The following IVD variants were observed in gnomAD, a reference collection of about 807,000 sequenced individuals.
IVD encodes isovaleryl-CoA dehydrogenase, mitochondrial.
In IVD, 31 loss-of-function variants were observed where a neutral mutation model predicts 51.3. The observed-to-expected ratio is 0.60, with a 90% CI of 0.45 to 0.81. IVD has a LOEUF of 0.81. Among genes scored for constraint, IVD ranks in the 40% least tolerant of loss-of-function variants. IVD has a pLI of 0.00. For missense variants in IVD, 475 were observed against 552.0 expected (o/e 0.86, Z 1.40); for synonymous variants, 205 against 219.4 (o/e 0.93, Z 0.58).
intron 11 of IVD, among the ~76,000 whole-genome samples, chr15:40,417,185 CAA>C (rs1378109257): frequency 1.2e-4 from 15 of 125,506 alleles, no homozygotes; most frequent in Admixed American, 1.2e-3. Context: ...GCCTGAGTGA[CAA>C]GAGTGAAACT....
rs1230414301 is a variant in IVD, at chr15:40,405,897, T to C, written c.70T>C (p.Phe24Leu). ...GAGGCTGCGGCCGCCGCTTGCCGGCTTCGTTTCCCAGCGGGCCCACTCGCT... is the reference window on the plus strand; with the variant it reads ...GAGGCTGCGGCCGCCGCTTGCCGGCCTCGTTTCCCAGCGGGCCCACTCGCT... The part of the protein sequence containing the change: ...SWRLRPPLAG[F>L]VSQRAHSLLP... Residue 24 changes from phenylalanine (F) to leucine (L), a missense_variant, in exon 1 of 12, where the codon TTC becomes CTC. By Grantham distance (22) the Phe-to-Leu change is conservative (BLOSUM62 0). Transcript: ENST00000487418. 6.2e-7 allele frequency: 1 copy of C among 1,613,272 alleles called. No individual in the cohort carries two copies. Among genetic ancestry groups the C allele is most frequent in the African/African-American group, 1.3e-5 (1 of 74,932 alleles).
chr15:40,430,360 A>T (rs1226058458), intron 7 of IVD, among the ~76,000 whole-genome samples: 6 of 152,168 alleles, frequency 3.9e-5, no homozygotes, highest in Non-Finnish European at 8.8e-5. Context: ...GCTTGCTAGG[A>T]GGAGAGCATT....
In IVD at chr15:40,406,925, G is replaced by A. The variant is rs1489813682; in HGVS notation, c.145-711G>A. Among the ~76,000 whole-genome samples, 8 of 150,220 alleles carry A rather than the reference G, an allele frequency of 5.3e-5. No homozygotes were observed. The South Asian group carries it at 6.3e-4, about 12-fold the overall frequency. On this transcript the variant is annotated intron_variant, in intron 1 of 11. Transcript: ENST00000487418. Reference sequence around the variant, plus strand: ...GTTGCCCAGGCTGGAGTGTAATGGCGCGATCTCCGCTCACCACAACGTCCG... The same window carrying A: ...GTTGCCCAGGCTGGAGTGTAATGGCACGATCTCCGCTCACCACAACGTCCG...
downstream of IVD, chr15:40,435,894 T>G (rs1003108813): frequency 1.9e-5 from 3 of 160,722 alleles, no homozygotes; most frequent in Non-Finnish European, 2.6e-5. Flanking sequence ...CCTGGCAGCC[T>G]TCCCTCGTCC....
downstream of IVD, among the ~76,000 whole-genome samples, chr15:40,422,294 T>A (rs1163735187): frequency 2.6e-5 from 4 of 152,156 alleles, no homozygotes; most frequent in Admixed American, 2.6e-4. Context: ...AAAAGGCTTT[T>A]TTTTTTTGAG....
At chr15:40,410,864 C>T in intron 4 of IVD, 67 bp downstream of exon 4, 1 of 1,567,972 alleles carries the variant, frequency 6.4e-7, no homozygotes, top group Non-Finnish European at 8.7e-7. Flanking sequence ...GATACCCTCT[C>T]CCCTTGGGGG....
At chr15:40,410,527 A>G in intron 3 of IVD, 101 bp from the exon 4 acceptor site, 1 of 1,352,388 alleles carries the variant, frequency 7.4e-7, no homozygotes, top group South Asian at 1.2e-5. Flanking sequence ...AGTAGGTGCT[A>G]CAAGGTGCTT....
downstream of IVD, chr15:40,435,745 G>T: frequency 2.0e-6 from 2 of 984,828 alleles, no homozygotes; most frequent in Non-Finnish European, 1.2e-6. Flanking sequence ...ACTGGTACTC[G>T]GCGCTTGGGG....
At chr15:40,412,398 C>A (rs74659386) in intron 6 of IVD, among the ~76,000 whole-genome samples, 4 of 152,138 alleles carry the variant, frequency 2.6e-5, no homozygotes, top group African/African-American at 9.7e-5. Context: ...TAAAGGTTTG[C>A]GGTACCCTCC....
In IVD at chr15:40,418,845, T is replaced by G; in HGVS notation, c.*582T>G. On this transcript the variant is annotated 3_prime_UTR_variant, in exon 12 of 12. Transcript: ENST00000487418. ...TTCTGGGGGAAAAAAATAATAAACCTAGCCTAGCCAGGCGTGGTGGCTCAT... is the reference window on the plus strand; with the variant it reads ...TTCTGGGGGAAAAAAATAATAAACCGAGCCTAGCCAGGCGTGGTGGCTCAT... 9.1e-6 allele frequency: 8 copies of G among 875,864 alleles called. No individual in the cohort carries two copies. The highest frequency in any genetic ancestry group is 1.8e-5 in the African/African-American group (1 of 56,480). The allele number at this position is 875,864 out of a possible 1,614,324, so 54.3% of individuals were successfully genotyped here. A position where few individuals can be genotyped will look rare whatever the true frequency, so the allele number is the denominator to read the frequency against.
In IVD at chr15:40,418,394, G is replaced by A. The variant is rs190115786; in HGVS notation, c.*131G>A. ...GCTCTTGTCAGCCCTCTGGCCTCTG[G>A]ATGAGGTTGAGTTCTCCACAACAGC... On this transcript the variant is annotated 3_prime_UTR_variant, in exon 12 of 12. Transcript: ENST00000487418. 1.3e-3 allele frequency: 2,126 copies of A among 1,577,916 alleles called. 5 individuals are homozygous for A. Among genetic ancestry groups the A allele is most frequent in the Admixed American group, 3.9e-3 (224 of 57,062 alleles).
chr15:40,418,982 A>G lies in IVD; in HGVS notation c.*719A>G. 1 of 507,096 alleles carries G rather than the reference A, an allele frequency of 2.0e-6. No homozygotes were observed. Among genetic ancestry groups the G allele is most frequent in the Non-Finnish European group, 3.1e-6 (1 of 320,018 alleles). 31.4% of individuals were successfully genotyped at this position (507,096 alleles called of 1,614,324 possible). ...ACCTCGCCTCAACTAAAAATAGAAA[A>G]AAATTAGTTGGGCATGGTGGTGGGC... On this transcript the variant is annotated 3_prime_UTR_variant, in exon 12 of 12. Coordinates refer to ENST00000487418, the MANE Select transcript of IVD (RefSeq NM_002225.5).
chr15:40,434,399 G>T (rs918568717), intron 8 of IVD, among the ~76,000 whole-genome samples: 4 of 152,236 alleles, frequency 2.6e-5, no homozygotes, highest in Non-Finnish European at 5.9e-5. Flanking sequence ...GAGAGGTAGA[G>T]GGCTGTATGT....
chr15:40,415,815 G>A (rs572375678), intron 9 of IVD, among the ~76,000 whole-genome samples: 83 of 152,360 alleles, frequency 5.4e-4, no homozygotes, highest in African/African-American at 1.9e-3. Context: ...AAGGTAATAA[G>A]CATTGGAGTA....
rs372425879 is a variant in IVD at position 40,410,037 on chromosome 15, C to T, written c.287-591C>T. 4.6e-5 allele frequency among the ~76,000 whole-genome samples: 7 copies of T among 152,162 alleles called. No homozygotes were observed. In the East Asian group the frequency reaches 5.8e-4, roughly 13 times the overall value. On this transcript the variant is annotated intron_variant, in intron 3 of 11. Coordinates refer to ENST00000487418, the MANE Select transcript of IVD (RefSeq NM_002225.5). ...ATTTTTAGTAGAGACGGGGTTTCAC[C>T]GTGTTAGCCAGGATGGTCTTGATCT...
At chr15:40,431,252 G>A (rs1979189) in intron 7 of IVD, among the ~76,000 whole-genome samples, 26,373 of 151,382 alleles carry the variant, frequency 0.17, 3,349 homozygotes, top group East Asian at 0.62. Flanking sequence ...CCTGAGACCT[G>A]GGATTACAGG....
rs985467887 is a variant in IVD at position 40,416,381 on chromosome 15, C to G, written c.1138+19C>G. Reference sequence around the variant, plus strand: ...TGTTTTGGTGAGTGATCCCCACTTCCCAGTCCCGGGGCTCCCTCACTCCTG... The same window carrying G: ...TGTTTTGGTGAGTGATCCCCACTTCGCAGTCCCGGGGCTCCCTCACTCCTG... On this transcript the variant is annotated intron_variant, in intron 11 of 11. Coordinates refer to ENST00000487418, the MANE Select transcript of IVD (RefSeq NM_002225.5). The G allele has an allele frequency of 1.2e-6, 2 of 1,611,456 alleles. No homozygotes were observed. Among genetic ancestry groups the G allele is most frequent in the East Asian group, 4.5e-5 (2 of 44,876 alleles).
chr15:40,411,438 C>T (rs1428075032), intron 5 of IVD, 85 bp downstream of exon 5: 19 of 1,598,036 alleles, frequency 1.2e-5, no homozygotes, highest in Middle Eastern at 3.3e-4. Context: ...TGGGTGGCCC[C>T]TGCTGGGTTT....
Position 40,435,438 on chromosome 15 carries a change from A to G in IVD, c.803A>G (p.His268Arg), listed in dbSNP as rs1893214818. 3.2e-6 allele frequency: 4 copies of G among 1,230,996 alleles called. No individual in the cohort carries two copies. The African/African-American group carries it at 6.2e-5, about 19-fold the overall frequency. 76.3% of individuals were successfully genotyped at this position (1,230,996 alleles called of 1,614,324 possible). A position where few individuals can be genotyped will look rare whatever the true frequency, so the allele number is the denominator to read the frequency against. The change falls in exon 9 of 9, where the codon CAC becomes CGC. Residue 268 changes from histidine (H) to arginine (R), a missense_variant. His to Arg is a conservative substitution (Grantham distance 29, BLOSUM62 0). Transcript: ENST00000473112. ...CTAGGGCAGACCTTTTCCGCCCAAC[A>G]CCCACCTGGGAGGGAGGGCGAGACC... is the stretch of plus-strand genomic sequence containing the variant.
Sources: allele counts gnomAD v4.1 joint callset (sites outside exome capture counted in the v4.1 genomes callset), GRCh38; gene constraint gnomAD v4.1.1; transcripts MANE v1.5; gene names NCBI Gene and HGNC (gene_info 2026-07-23, HGNC 2026-07-21).